ASB3: variants seen among roughly 807,000 people sequenced by gnomAD.
ASB3 encodes the protein ankyrin repeat and SOCS box protein 3.
A neutral mutation model predicts 54.5 loss-of-function variants in ASB3; 41 were observed. The observed-to-expected ratio is 0.75, with a 90% CI of 0.59 to 0.98. The LOEUF (loss-of-function observed/expected upper bound fraction) is 0.98, where lower values mean the gene tolerates loss of function less well. ASB3 is among the 50% of genes least tolerant of loss of function. The pLI is 0.00. For synonymous variants in ASB3, 266 were observed against 221.2 expected (o/e 1.20, Z -1.80); for missense variants, 733 against 620.0 (o/e 1.18, Z -1.94).
chr2:53,754,632 T>C (rs148033856), intron 2 of ASB3, among the ~76,000 whole-genome samples: 1,698 of 152,316 alleles, frequency 0.011, 34 homozygotes, highest in African/African-American at 0.038. Context: ...ATATGGGTTA[T>C]ACTTCGGGCC....
At chr2:53,703,612 T>C (rs537260027) in intron 7 of ASB3, among the ~76,000 whole-genome samples, 2 of 152,180 alleles carry the variant, frequency 1.3e-5, no homozygotes, top group South Asian at 4.1e-4. Context: ...ACAACAAGAA[T>C]AAAGAAAATC....
At chr2:53,682,102 G>T (rs1424879744) in intron 9 of ASB3, among the ~76,000 whole-genome samples, 1 of 150,874 alleles carries the variant, frequency 6.6e-6, no homozygotes, top group Admixed American at 6.6e-5. Context: ...AGAGGTTGCA[G>T]TGAGCCGAGA....
intron 9 of ASB3, among the ~76,000 whole-genome samples, chr2:53,677,158 A>G (rs1254695438): frequency 6.6e-6 from 1 of 152,216 alleles, no homozygotes; most frequent in Non-Finnish European, 1.5e-5. Context: ...CAGCACAGTA[A>G]CATGCTGTAC....
intron 7 of ASB3, among the ~76,000 whole-genome samples, chr2:53,709,027 T>C (rs1669945574): frequency 6.6e-6 from 1 of 152,148 alleles, no homozygotes; most frequent in Admixed American, 6.5e-5. Flanking sequence ...CTTCAGAAAT[T>C]TGCATTAAGT....
intron 7 of ASB3, among the ~76,000 whole-genome samples, chr2:53,709,818 T>C (rs1669989147): frequency 6.6e-6 from 1 of 152,178 alleles, no homozygotes; most frequent in African/African-American, 2.4e-5. Flanking sequence ...GGCTTGTGTA[T>C]GTGATCTGCG....
At chr2:53,737,150 T>C (rs10203095) in intron 3 of ASB3, among the ~76,000 whole-genome samples, 85,341 of 151,902 alleles carry the variant, frequency 0.56, 24,631 homozygotes, top group African/African-American at 0.7. Context: ...ATATATAAGG[T>C]AACTTACTCG....
chr2:53,675,785 T>A (rs1388679520), intron 9 of ASB3, among the ~76,000 whole-genome samples: 2 of 152,230 alleles, frequency 1.3e-5, no homozygotes, highest in African/African-American at 4.8e-5. Context: ...TTCCAGGTGA[T>A]ATATACTACT....
intron 6 of ASB3, among the ~76,000 whole-genome samples, chr2:53,715,370 T>C (rs957564012): frequency 2.6e-5 from 4 of 152,206 alleles, no homozygotes; most frequent in East Asian, 1.9e-4. Context: ...AGTATTTTCA[T>C]AGTATTACAT....
At chr2:53,726,324 G>A (rs905854744) in intron 5 of ASB3, among the ~76,000 whole-genome samples, 3 of 149,672 alleles carry the variant, frequency 2.0e-5, no homozygotes, top group African/African-American at 2.5e-5. Context: ...GCAGAGGCGC[G>A]ATCTAGGCTC....
At chr2:53,723,161 A>ACT (rs1670801217) in intron 5 of ASB3, among the ~76,000 whole-genome samples, 1 of 152,206 alleles carries the variant, frequency 6.6e-6, no homozygotes, top group African/African-American at 2.4e-5. Context: ...TACAAGGAGA[A>ACT]CTACAAAATA....
intron 3 of ASB3, among the ~76,000 whole-genome samples, chr2:53,737,083 C>T (rs535340436): frequency 6.6e-6 from 1 of 152,284 alleles, no homozygotes; most frequent in Admixed American, 6.5e-5. Flanking sequence ...TGGGATATGA[C>T]AGTATAACTG....
At chr2:53,700,602 A>G in intron 7 of ASB3, 74 bp from the exon 8 acceptor site, 2 of 1,517,588 alleles carry the variant, frequency 1.3e-6, no homozygotes, top group East Asian at 2.3e-5. Flanking sequence ...CAAACAGTTA[A>G]TAGTAGTTAC....
intron 1 of ASB3, chr2:53,774,143 G>A (rs753872446): frequency 3.3e-5 from 52 of 1,588,890 alleles, no homozygotes; most frequent in Non-Finnish European, 4.4e-5. Flanking sequence ...TTTCAACAGG[G>A]ATGTGTATGG....
intron 3 of ASB3, among the ~76,000 whole-genome samples, chr2:53,747,082 A>C (rs1344183997): frequency 6.6e-6 from 1 of 152,182 alleles, no homozygotes; most frequent in African/African-American, 2.4e-5. Context: ...ATGCATCTCT[A>C]ATTTTCTCCA....
At chr2:53,713,641 C>T (rs1014628601) in intron 7 of ASB3, among the ~76,000 whole-genome samples, 2 of 152,112 alleles carry the variant, frequency 1.3e-5, no homozygotes, top group Admixed American at 6.5e-5. Context: ...AGCCAGGCAT[C>T]GTGGCTCATG....
At chr2:53,737,521 A>C (rs928814278) in intron 3 of ASB3, among the ~76,000 whole-genome samples, 2 of 152,168 alleles carry the variant, frequency 1.3e-5, no homozygotes, top group African/African-American at 4.8e-5. Context: ...AAACTGCTTA[A>C]GGGTCAAGAA....
intron 8 of ASB3, among the ~76,000 whole-genome samples, chr2:53,698,706 T>A (rs1326793998): frequency 6.6e-6 from 1 of 152,220 alleles, no homozygotes; most frequent in African/African-American, 2.4e-5. Flanking sequence ...ATCTGAGACC[T>A]TGTCATAATG....
At position 53,670,554 on chromosome 2, in the gene ASB3, G is replaced by A. The variant is rs761343279; in HGVS notation, c.1506C>T (p.Asp502=). The A allele has an allele frequency of 2.7e-5, 44 of 1,613,750 alleles. No homozygotes were observed. The highest frequency in any genetic ancestry group is 2.7e-4 in the Admixed American group (16 of 59,958). The change falls in exon 10 of 10, where the codon GAC becomes GAT. Residue 502 remains aspartate, a synonymous_variant. Transcript: ENST00000263634. ...CTGGAACTTCATACATCCTCAGAACGTCTTCATAGAGCAAATAATTATGTA... is the reference window on the plus strand; with the variant it reads ...CTGGAACTTCATACATCCTCAGAACATCTTCATAGAGCAAATAATTATGTA... The part of the protein sequence containing the change: ...RSLHNYLLYE[D]VLRMYEVPEL...
At chr2:53,699,426 T>C (rs574937029) in intron 8 of ASB3, among the ~76,000 whole-genome samples, 52 of 152,322 alleles carry the variant, frequency 3.4e-4, no homozygotes, top group African/African-American at 1.2e-3. Flanking sequence ...CTGAAAGTAC[T>C]GGGCAAGTCA....
Sources: allele counts gnomAD v4.1 joint callset (sites outside exome capture counted in the v4.1 genomes callset), GRCh38; gene constraint gnomAD v4.1.1; transcripts MANE v1.5; gene names NCBI Gene and HGNC (gene_info 2026-07-23, HGNC 2026-07-21).